The following SPATA6 variants were observed in gnomAD, a reference collection of about 807,000 sequenced individuals.
SPATA6 encodes the protein spermatogenesis associated 6.
Under a neutral mutation model 65.3 loss-of-function variants are expected in SPATA6, and 56 were observed. The observed-to-expected ratio is 0.86, with a 90% CI of 0.69 to 1.07. The LOEUF is 1.07. SPATA6 is among the 50% of genes least tolerant of loss of function. The pLI is 0.00. For synonymous variants in SPATA6, 199 were observed against 213.2 expected, an observed-to-expected ratio of 0.93 and a Z score of 0.58; for missense variants, 590 against 594.8, an observed-to-expected ratio of 0.99 and a Z score of 0.08.
chr1:48,273,357 AT>A, the SPATA6 span, among the ~76,000 whole-genome samples: 1 of 151,700 alleles, frequency 6.6e-6, no homozygotes, highest in African/African-American at 2.4e-5. Context: ...CATTTTTTTT[AT>A]TATACTTTAA....
intron 9 of SPATA6, among the ~76,000 whole-genome samples, chr1:48,367,467 A>T (rs1388101882): frequency 2.6e-5 from 4 of 152,154 alleles, no homozygotes. Context: ...TTGCTTTATG[A>T]ATCTGCATGC....
At chr1:48,312,402 T>C (rs1645245809) in intron 11 of SPATA6, among the ~76,000 whole-genome samples, 1 of 152,146 alleles carries the variant, frequency 6.6e-6, no homozygotes. Context: ...GATCCGCTGT[T>C]CTGCAGTCTT....
intron 9 of SPATA6, among the ~76,000 whole-genome samples, chr1:48,368,806 T>A (rs1406749253): frequency 6.6e-5 from 10 of 152,248 alleles, no homozygotes; most frequent in Admixed American, 6.5e-4. Flanking sequence ...GTCAACATCA[T>A]TCTCCGTCCA....
chr1:48,293,060 C>G (rs1352169112), downstream of SPATA6, among the ~76,000 whole-genome samples: 1 of 152,190 alleles, frequency 6.6e-6, no homozygotes, highest in African/African-American at 2.4e-5. Flanking sequence ...CATCTGAAGA[C>G]CAGGCCGCTA....
intron 11 of SPATA6, among the ~76,000 whole-genome samples, chr1:48,343,672 A>T (rs1206496404): frequency 6.6e-6 from 1 of 152,154 alleles, no homozygotes; most frequent in Non-Finnish European, 1.5e-5. Context: ...AAAGGTACCA[A>T]TTTAGAGAAA....
intron 3 of SPATA6, among the ~76,000 whole-genome samples, chr1:48,420,511 G>A (rs760183515): frequency 1.3e-5 from 2 of 152,156 alleles, no homozygotes; most frequent in Non-Finnish European, 1.5e-5. Flanking sequence ...CTATCTCCAA[G>A]TAGAAAGGGT....
rs541905691 is a variant in SPATA6 at position 48,405,191 on chromosome 1, C to G, written c.406-1309G>C. ...TACCACATTCTATTCATTAGCATCA[C>G]TACAGTCTACACTCAAGAAGAGTAG... On this transcript the variant is annotated intron_variant, in intron 5 of 12. Coordinates refer to ENST00000371847, the MANE Select transcript of SPATA6 (RefSeq NM_019073.4). 4.6e-5 allele frequency among the ~76,000 whole-genome samples: 7 copies of G among 152,324 alleles called. No individual in the cohort carries two copies. In the East Asian group the frequency reaches 1.4e-3, roughly 29 times the overall value.
At chr1:48,280,130 C>G in the SPATA6 span, among the ~76,000 whole-genome samples, 1 of 152,028 alleles carries the variant, frequency 6.6e-6, no homozygotes, top group Admixed American at 6.6e-5. Context: ...TTCTTTGAAA[C>G]CAACGAGAAC....
At chr1:48,307,061 T>A (rs1645078884) in intron 11 of SPATA6, among the ~76,000 whole-genome samples, 1 of 151,834 alleles carries the variant, frequency 6.6e-6, no homozygotes, top group South Asian at 2.1e-4. Flanking sequence ...ATGTTCCTTA[T>A]TTTTACCTAT....
At chr1:48,422,406 T>A (rs564303146) in intron 3 of SPATA6, among the ~76,000 whole-genome samples, 1 of 152,270 alleles carries the variant, frequency 6.6e-6, no homozygotes, top group East Asian at 1.9e-4. Flanking sequence ...AAAGCTGAGC[T>A]GAGATTTTTA....
At chr1:48,357,533 C>T (rs1470635071) in intron 10 of SPATA6, among the ~76,000 whole-genome samples, 1 of 152,060 alleles carries the variant, frequency 6.6e-6, no homozygotes, top group East Asian at 1.9e-4. Context: ...AGATAAACTC[C>T]TATAACTGTA....
Position 48,355,685 on chromosome 1 carries a change from A to C in SPATA6, c.1179T>G (p.His393Gln). The change falls in exon 11 of 13, where the codon CAT becomes CAG. Residue 393 changes from histidine to glutamine, a missense_variant. By Grantham distance (24) the His-to-Gln change is conservative. Coordinates refer to ENST00000371847, the MANE Select transcript of SPATA6 (RefSeq NM_019073.4). ...AGAAACTAACATATAAATGTCTTTG[A>C]TGAGCCTGATGTGATTTCAAGACAT... The part of the protein sequence containing the change: ...VKNVLKSHQA[H>Q]QRHLYDERDL... The C allele has an allele frequency of 1.9e-6, 3 of 1,611,118 alleles. No homozygotes were observed. The highest frequency in any genetic ancestry group is 2.5e-6 in the Non-Finnish European group (3 of 1,178,274).
At chr1:48,443,655 G>C (rs1326152659) in intron 3 of SPATA6, among the ~76,000 whole-genome samples, 1 of 152,148 alleles carries the variant, frequency 6.6e-6, no homozygotes, top group Middle Eastern at 3.2e-3. Flanking sequence ...ACACTAACCA[G>C]TCAGGGATAG....
intron 11 of SPATA6, among the ~76,000 whole-genome samples, chr1:48,341,701 C>A (rs1292081938): frequency 2.0e-5 from 3 of 152,136 alleles, no homozygotes; most frequent in Non-Finnish European, 4.4e-5. Flanking sequence ...AAGAACTAAT[C>A]TTCTATTCCT....
intron 11 of SPATA6, among the ~76,000 whole-genome samples, chr1:48,347,145 A>G (rs1177800186): frequency 6.6e-6 from 1 of 151,792 alleles, no homozygotes; most frequent in African/African-American, 2.4e-5. Flanking sequence ...AGAACAGAGA[A>G]CCCAGAAATA....
intron 8 of SPATA6, among the ~76,000 whole-genome samples, chr1:48,386,524 G>T (rs780687582): frequency 6.6e-6 from 1 of 152,128 alleles, no homozygotes; most frequent in Non-Finnish European, 1.5e-5. Flanking sequence ...AGAGAATACT[G>T]GAATTCAAAA....
intron 9 of SPATA6, among the ~76,000 whole-genome samples, chr1:48,373,887 TA>T (rs1191403619): frequency 6.6e-6 from 1 of 152,112 alleles, no homozygotes; most frequent in African/African-American, 2.4e-5. Flanking sequence ...TCCCACAACA[TA>T]GGGGAATTCT....
chr1:48,361,229 C>A (rs1283280162), intron 9 of SPATA6, among the ~76,000 whole-genome samples: 1 of 151,798 alleles, frequency 6.6e-6, no homozygotes, highest in African/African-American at 2.4e-5. Context: ...TATTTAGAGG[C>A]TTGAAAGATG....
At chr1:48,283,693 A>AGAAAGAAAG in the SPATA6 span, among the ~76,000 whole-genome samples, 12 of 7,868 alleles carry the variant, frequency 1.5e-3, no homozygotes, top group South Asian at 0.017. Flanking sequence ...AAAAAAAAAA[A>AGAAAGAAAG]AAAAAAAGAA....
Sources: gnomAD v4.1 joint callset for allele counts (sites outside exome capture counted in the v4.1 genomes callset) on GRCh38, gnomAD v4.1.1 for gene constraint, MANE v1.5 for transcripts, NCBI Gene and HGNC (gene_info 2026-07-23, HGNC 2026-07-21) for gene names.